CNTN5: variants seen among roughly 807,000 people sequenced by gnomAD.
The protein encoded by CNTN5 is contactin 5.
Under a neutral mutation model 129.1 loss-of-function variants are expected in CNTN5, and 77 were observed. That is an observed-to-expected ratio of 0.60 (90% CI 0.50 to 0.72). CNTN5 has a LOEUF of 0.72. CNTN5 is among the 30% of genes least tolerant of loss of function. CNTN5 has a pLI of 0.00. For missense variants in CNTN5, 1,478 were observed against 1,328.8 expected (o/e 1.11, Z -1.75); for synonymous variants, 509 against 465.6 (o/e 1.09, Z -1.20).
At position 100,159,939 on chromosome 11, in the gene CNTN5, T is replaced by C. The variant is rs547509312; in HGVS notation, c.1581-31187T>C. 1.8e-4 allele frequency among the ~76,000 whole-genome samples: 27 copies of C among 151,968 alleles called. 1 individual carries two copies. In the South Asian group the frequency reaches 4.6e-3, roughly 26 times the overall value. On this transcript the variant is annotated intron_variant, in intron 13 of 24. Transcript: ENST00000524871. ...ATCACAACATGTATATTTCTTTTCA[T>C]ATATATACTTTAAGTTCTGGGGATA...
At chr11:99,502,836 C>T (rs1356295283) in intron 2 of CNTN5, among the ~76,000 whole-genome samples, 1 of 152,138 alleles carries the variant, frequency 6.6e-6, no homozygotes, top group Admixed American at 6.6e-5. Context: ...GCCAAAGGCA[C>T]TTCAAACTCA....
Position 99,892,999 on chromosome 11 carries a change from G to A in CNTN5, c.578-23055G>A, listed in dbSNP as rs941915821. On this transcript the variant is annotated intron_variant, in intron 6 of 24. Coordinates refer to ENST00000524871, the MANE Select transcript of CNTN5 (RefSeq NM_014361.4). ...AATATAACTCCTAAATATATTGCAT[G>A]AGCATTAAGTGCTCTATTTGGAGGA... Among the ~76,000 whole-genome samples the A allele has an allele frequency of 3.9e-5, 6 of 152,190 alleles. No individual in the cohort carries two copies. The East Asian group carries it at 1.2e-3, about 29-fold the overall frequency.
chr11:99,682,175 TTGA>T (rs1299626459), intron 3 of CNTN5, among the ~76,000 whole-genome samples: 4 of 152,052 alleles, frequency 2.6e-5, no homozygotes, highest in South Asian at 4.1e-4. Context: ...AGTAAGGGAA[TTGA>T]TGATTAGCAT....
rs76584814 is a variant in CNTN5 at position 100,248,039 on chromosome 11, T to A, written c.2006-7721T>A. Among the ~76,000 whole-genome samples the A allele has an allele frequency of 3.8e-3, 577 of 152,318 alleles. 4 individuals are homozygous for A. The highest frequency in any genetic ancestry group is 0.013 in the African/African-American group (551 of 41,576). ...ACATTGCTTCCATGATTGATTGCCA[T>A]GCCTGCTTCCCTTTTCTCCAGAGCA... On this transcript the variant is annotated intron_variant, in intron 16 of 24. Coordinates refer to ENST00000524871, the MANE Select transcript of CNTN5 (RefSeq NM_014361.4).
intron 4 of CNTN5, among the ~76,000 whole-genome samples, chr11:99,823,160 T>A (rs976887510): frequency 2.6e-5 from 4 of 152,248 alleles, no homozygotes; most frequent in Admixed American, 1.3e-4. Context: ...GAGCCACACC[T>A]GCTTCCCTGA....
chr11:99,999,649 A>T (rs1565773957), intron 8 of CNTN5, among the ~76,000 whole-genome samples: 1 of 152,174 alleles, frequency 6.6e-6, no homozygotes, highest in Non-Finnish European at 1.5e-5. Flanking sequence ...CAGCCATCCC[A>T]TTACTGGGTA....
intron 1 of CNTN5, among the ~76,000 whole-genome samples, chr11:99,313,758 T>C (rs546240825): frequency 6.7e-4 from 102 of 152,248 alleles, no homozygotes; most frequent in African/African-American, 2.3e-3. Flanking sequence ...ACTGTGTCTA[T>C]AATAATCAAA....
intron 4 of CNTN5, among the ~76,000 whole-genome samples, chr11:99,841,028 A>T (rs930702804): frequency 1.3e-5 from 2 of 152,076 alleles, no homozygotes; most frequent in Non-Finnish European, 2.9e-5. Context: ...CCCCCCCTTA[A>T]CATGAATTTT....
chr11:99,306,764 A>G (rs974137175), intron 1 of CNTN5, among the ~76,000 whole-genome samples: 12 of 149,316 alleles, frequency 8.0e-5, no homozygotes, highest in Admixed American at 4.7e-4. Flanking sequence ...TAATAATAAT[A>G]ATAATAATAA....
At position 100,071,720 on chromosome 11, in the gene CNTN5, G is replaced by T. The variant is rs755619167; in HGVS notation, c.1315G>T (p.Val439Phe). 1.3e-6 allele frequency: 2 copies of T among 1,588,364 alleles called. No individual in the cohort carries two copies. The highest frequency in any genetic ancestry group is 8.6e-7 in the Non-Finnish European group (1 of 1,166,372). ...PLSPQSRVEM[V>F]NGVLMIHNVN... Reference sequence around the variant, plus strand: ...TCCATTACAGAGTAGGGTTGAGATGGTTAATGGAGTATTGATGATCCACAA... The same window carrying T: ...TCCATTACAGAGTAGGGTTGAGATGTTTAATGGAGTATTGATGATCCACAA... Residue 439 changes from valine to phenylalanine, a missense_variant, in exon 12 of 25, where the codon GTT (valine) becomes TTT (phenylalanine). Transcript: ENST00000524871.
chr11:99,629,537 A>G (rs1951259122), intron 3 of CNTN5, among the ~76,000 whole-genome samples: 1 of 151,988 alleles, frequency 6.6e-6, no homozygotes, highest in African/African-American at 2.4e-5. Context: ...GTATTAGCAT[A>G]TTAAGGGGAT....
chr11:99,947,195 T>A (rs1565708301), intron 7 of CNTN5, among the ~76,000 whole-genome samples: 1 of 150,942 alleles, frequency 6.6e-6, no homozygotes, highest in Non-Finnish European at 1.5e-5. Context: ...CTAGCATAAC[T>A]TGTACCAATT....
intron 9 of CNTN5, among the ~76,000 whole-genome samples, chr11:100,011,414 A>G (rs914477607): frequency 1.3e-5 from 2 of 152,088 alleles, no homozygotes; most frequent in African/African-American, 4.8e-5. Flanking sequence ...CTGCCAGCTA[A>G]TAGTGTTACA....
intron 7 of CNTN5, 21 bp downstream of exon 7, chr11:99,916,170 TTGC>T (rs759672076): frequency 2.3e-5 from 36 of 1,572,858 alleles, no homozygotes; most frequent in Non-Finnish European, 2.8e-5. Flanking sequence ...ATCTCATTCT[TTGC>T]TGCTGCTGCT....
intron 3 of CNTN5, among the ~76,000 whole-genome samples, chr11:99,769,496 C>T (rs1376643253): frequency 6.6e-6 from 1 of 152,024 alleles, no homozygotes; most frequent in East Asian, 1.9e-4. Context: ...CTCCCATTTC[C>T]TGTAATGAGA....
intron 3 of CNTN5, among the ~76,000 whole-genome samples, chr11:99,569,144 T>A (rs1376185513): frequency 4.6e-5 from 7 of 152,140 alleles, no homozygotes; most frequent in Non-Finnish European, 8.8e-5. Context: ...TTGAATATTT[T>A]GCAATTATGA....
chr11:99,318,790 G>A (rs969168629), intron 1 of CNTN5, among the ~76,000 whole-genome samples: 2 of 152,098 alleles, frequency 1.3e-5, no homozygotes, highest in African/African-American at 4.8e-5. Flanking sequence ...AGTTAATCTG[G>A]AATTATGGTG....
chr11:99,407,927 C>T lies in CNTN5; in HGVS notation c.-71+82443C>T, dbSNP rs144256014. Among the ~76,000 whole-genome samples, 5 of 152,280 alleles carry T rather than the reference C, an allele frequency of 3.3e-5. 1 individual carries two copies. In the South Asian group the frequency reaches 1.0e-3, roughly 32 times the overall value. ...AAATACTCTCTGCATCATGCTTCCA[C>T]TACCCAGGGATTGGAGAAGTGTGAC... On this transcript the variant is annotated intron_variant, in intron 2 of 24. Coordinates refer to ENST00000524871, the MANE Select transcript of CNTN5 (RefSeq NM_014361.4).
At chr11:99,370,380 C>A (rs755082961) in intron 2 of CNTN5, among the ~76,000 whole-genome samples, 6 of 152,178 alleles carry the variant, frequency 3.9e-5, no homozygotes, top group Non-Finnish European at 7.3e-5. Flanking sequence ...TTTGTAGTCA[C>A]ATTTCAATTG....
Sources: allele counts gnomAD v4.1 joint callset (sites outside exome capture counted in the v4.1 genomes callset), GRCh38; gene constraint gnomAD v4.1.1; transcripts MANE v1.5; gene names NCBI Gene and HGNC (gene_info 2026-07-23, HGNC 2026-07-21).